Variants in CNTNAP2 observed in about 807,000 individuals in gnomAD.
CNTNAP2 encodes contactin associated protein 2, also known as contactin-associated protein-like 2.
In CNTNAP2, 98 loss-of-function variants were observed where a neutral mutation model predicts 155.2. That is an observed-to-expected ratio of 0.63 (90% CI 0.54 to 0.75). The LOEUF is 0.75. Among genes scored for constraint, CNTNAP2 ranks in the 30% least tolerant of loss-of-function variants. CNTNAP2 has a pLI of 0.00. For missense variants in CNTNAP2, 1,727 were observed against 1,688.1 expected, an observed-to-expected ratio of 1.02 and a Z score of -0.40; for synonymous variants, 651 against 631.2, an observed-to-expected ratio of 1.03 and a Z score of -0.47.
intron 1 of CNTNAP2, among the ~76,000 whole-genome samples, chr7:146,303,536 T>C (rs975388200): frequency 1.3e-5 from 2 of 152,100 alleles, no homozygotes; most frequent in African/African-American, 2.4e-5. Context: ...AACTGAACTT[T>C]ATACTGGAGC....
chr7:146,631,619 C>T (rs544042237), intron 1 of CNTNAP2, among the ~76,000 whole-genome samples: 4 of 152,230 alleles, frequency 2.6e-5, no homozygotes, highest in East Asian at 1.9e-4. Flanking sequence ...GGTTAGTCTT[C>T]TCTAGGTTGC....
At chr7:147,745,621 A>T (rs1797026317) in intron 13 of CNTNAP2, among the ~76,000 whole-genome samples, 1 of 152,200 alleles carries the variant, frequency 6.6e-6, no homozygotes, top group Admixed American at 6.5e-5. Context: ...TTAATTTCAG[A>T]TAGCCAGAAT....
intron 15 of CNTNAP2, among the ~76,000 whole-genome samples, chr7:148,090,475 G>T (rs893670402): frequency 6.6e-6 from 1 of 151,966 alleles, no homozygotes; most frequent in African/African-American, 2.4e-5. Flanking sequence ...TCAAAAGAAG[G>T]CATACATGTG....
At chr7:146,615,409 G>A (rs1305904504) in intron 1 of CNTNAP2, among the ~76,000 whole-genome samples, 2 of 152,192 alleles carry the variant, frequency 1.3e-5, no homozygotes, top group African/African-American at 4.8e-5. Flanking sequence ...GAGCCCTTCA[G>A]AAGGGCCAAG....
At position 148,229,100 on chromosome 7, in the gene CNTNAP2, AC is replaced by A. The variant is rs1795912001; in HGVS notation, c.3248-545del. 2.0e-5 allele frequency among the ~76,000 whole-genome samples: 3 copies of A among 152,234 alleles called. 1 individual carries two copies. In the South Asian group the frequency reaches 6.2e-4, roughly 32 times the overall value. On this transcript the variant is annotated intron_variant, in intron 19 of 23. Transcript: ENST00000361727. ...TTTGAGACGACAGTCACTGAAGTTC[AC>A]TGTGGGCAGATTGTAAATATGTGCG... is the stretch of plus-strand genomic sequence containing the variant.
chr7:146,717,498 A>G (rs566566762), intron 1 of CNTNAP2, among the ~76,000 whole-genome samples: 2 of 152,160 alleles, frequency 1.3e-5, no homozygotes, highest in Non-Finnish European at 2.9e-5. Context: ...TGGGCAACAG[A>G]GTGAGACTCT....
chr7:147,250,234 G>T (rs1029540152), intron 8 of CNTNAP2, among the ~76,000 whole-genome samples: 3 of 152,038 alleles, frequency 2.0e-5, no homozygotes, highest in Non-Finnish European at 4.4e-5. Context: ...GGGAGAAGAG[G>T]GGGTGGTGGA....
chr7:147,590,236 T>C (rs1410948215), intron 12 of CNTNAP2, among the ~76,000 whole-genome samples: 1 of 152,182 alleles, frequency 6.6e-6, no homozygotes, highest in Non-Finnish European at 1.5e-5. Context: ...AAATTATTGA[T>C]AGCCTGTTAC....
intron 8 of CNTNAP2, among the ~76,000 whole-genome samples, chr7:147,211,221 G>A (rs1366968493): frequency 6.6e-6 from 1 of 152,002 alleles, no homozygotes; most frequent in Non-Finnish European, 1.5e-5. Flanking sequence ...AATGCTGTCA[G>A]TGGGGTGTTT....
chr7:147,367,160 A>G (rs952953260), intron 9 of CNTNAP2, among the ~76,000 whole-genome samples: 13 of 152,344 alleles, frequency 8.5e-5, no homozygotes, highest in African/African-American at 3.1e-4. Flanking sequence ...CATTGTTTTA[A>G]TTAGTTTTTC....
At chr7:146,836,943 G>A (rs550676150) in intron 2 of CNTNAP2, among the ~76,000 whole-genome samples, 4 of 151,502 alleles carry the variant, frequency 2.6e-5, no homozygotes, top group Admixed American at 2.6e-4. Context: ...TTGTTTCATT[G>A]TCATTTGGCT....
At chr7:147,485,852 A>G in intron 10 of CNTNAP2, 83 bp from the exon 11 acceptor site, 1 of 1,317,370 alleles carries the variant, frequency 7.6e-7, no homozygotes, top group Non-Finnish European at 1.1e-6. Context: ...GAAATGATAT[A>G]TTGCCCAGAC....
chr7:147,836,246 G>T (rs529900656), intron 13 of CNTNAP2, among the ~76,000 whole-genome samples: 2 of 152,188 alleles, frequency 1.3e-5, no homozygotes, highest in South Asian at 4.2e-4. Flanking sequence ...ACACGTAACG[G>T]CTCCCCTAAA....
chr7:146,162,643 A>C (rs1434735839), intron 1 of CNTNAP2, among the ~76,000 whole-genome samples: 11 of 152,262 alleles, frequency 7.2e-5, no homozygotes, highest in South Asian at 2.1e-4. Context: ...TTGACCCAGC[A>C]ATCCCATTAC....
intron 8 of CNTNAP2, among the ~76,000 whole-genome samples, chr7:147,238,007 A>G (rs1364711569): frequency 2.0e-5 from 3 of 152,140 alleles, no homozygotes; most frequent in African/African-American, 7.2e-5. Context: ...TTGAATTTCA[A>G]ATTTTGTTTT....
chr7:146,241,827 C>G (rs1799567486), intron 1 of CNTNAP2, among the ~76,000 whole-genome samples: 1 of 146,462 alleles, frequency 6.8e-6, no homozygotes, highest in African/African-American at 2.8e-5. Flanking sequence ...TACCTATACA[C>G]ACACACACAC....
intron 1 of CNTNAP2, among the ~76,000 whole-genome samples, chr7:146,734,078 G>A (rs1801571120): frequency 6.6e-6 from 1 of 151,956 alleles, no homozygotes; most frequent in South Asian, 2.1e-4. Flanking sequence ...AAAGATGCTG[G>A]TAGCTTGTAC....
intron 1 of CNTNAP2, among the ~76,000 whole-genome samples, chr7:146,617,342 G>T (rs1216095525): frequency 6.6e-6 from 1 of 152,164 alleles, no homozygotes; most frequent in Non-Finnish European, 1.5e-5. Context: ...GGAACTGAAT[G>T]CAAAAATTTG....
At chr7:148,046,487 T>A (rs916472617) in intron 15 of CNTNAP2, among the ~76,000 whole-genome samples, 1 of 152,224 alleles carries the variant, frequency 6.6e-6, no homozygotes, top group Non-Finnish European at 1.5e-5. Flanking sequence ...ATCATTCCTT[T>A]CTGTTTTACC....
Sources: allele counts gnomAD v4.1 joint callset (sites outside exome capture counted in the v4.1 genomes callset), GRCh38; gene constraint gnomAD v4.1.1; transcripts MANE v1.5; gene names NCBI Gene and HGNC (gene_info 2026-07-23, HGNC 2026-07-21).